Variants in USP22 observed in about 807,000 individuals in gnomAD.
USP22 encodes the protein ubiquitin specific peptidase 22, also known as ubiquitin carboxyl-terminal hydrolase 22.
USP22 carries 22 observed loss-of-function variants against 68.1 expected under a neutral mutation model. The ratio of observed to expected loss-of-function variants is 0.32; its 90% CI spans 0.23 to 0.46. The LOEUF (loss-of-function observed/expected upper bound fraction) is 0.46, where lower values mean the gene tolerates loss of function less well. Among genes scored for constraint, USP22 ranks in the 20% least tolerant of loss-of-function variants. The pLI, the probability that USP22 is intolerant of heterozygous loss-of-function variation, is 1.00. For missense variants in USP22, 433 were observed against 695.8 expected (o/e 0.62, Z 4.25); for synonymous variants, 279 against 274.2 (o/e 1.02, Z -0.17).
chr17:20,999,842 C>G lies in USP22; in HGVS notation c.*3189G>C, dbSNP rs1439180798. 2.0e-5 allele frequency: 3 copies of G among 152,198 alleles called. No homozygotes were observed. Among genetic ancestry groups the G allele is most frequent in the Non-Finnish European group, 4.4e-5 (3 of 68,050 alleles). The allele number at this position is 152,198 out of a possible 1,614,324, so 9.4% of individuals were successfully genotyped here. Reference sequence around the variant, plus strand: ...TTTTACACAATGAAGAGCATACACACCAAGCCAAAATACAATAGCACTCAG... The same window carrying G: ...TTTTACACAATGAAGAGCATACACAGCAAGCCAAAATACAATAGCACTCAG... On this transcript the variant is annotated 3_prime_UTR_variant, in exon 13 of 13. Coordinates refer to ENST00000261497, the MANE Select transcript of USP22 (RefSeq NM_015276.2).
chr17:21,035,789 G>A (rs1034448233), intron 1 of USP22, among the ~76,000 whole-genome samples: 2 of 152,042 alleles, frequency 1.3e-5, no homozygotes, highest in Admixed American at 1.3e-4. Context: ...CCAGCACTTC[G>A]GGAGGCTGAG....
At chr17:21,033,680 T>G (rs1972320142) in intron 1 of USP22, among the ~76,000 whole-genome samples, 1 of 152,194 alleles carries the variant, frequency 6.6e-6, no homozygotes, top group African/African-American at 2.4e-5. Flanking sequence ...GAAGGTAAGT[T>G]TAATTCTTGT....
At chr17:21,012,986 T>A in intron 6 of USP22, 51 bp from the exon 7 acceptor site, 1 of 1,551,176 alleles carries the variant, frequency 6.4e-7, no homozygotes, top group Non-Finnish European at 8.9e-7. Context: ...ATATGGGGAG[T>A]CTCTAAGGGA....
At chr17:21,025,793 G>A (rs1972212356) in intron 2 of USP22, among the ~76,000 whole-genome samples, 2 of 152,174 alleles carry the variant, frequency 1.3e-5, no homozygotes, top group Admixed American at 6.5e-5. Flanking sequence ...CAGGAAAGGA[G>A]AACCCACAGA....
chr17:21,011,288 G>A lies in USP22; in HGVS notation c.966C>T (p.Asp322=). Residue 322 remains aspartate (D), a synonymous_variant, in exon 8 of 13, where the codon GAC becomes GAT. Coordinates refer to ENST00000261497, the MANE Select transcript of USP22 (RefSeq NM_015276.2). ...GATCCAAGCTGATGTCCCAGAAGGG[G>A]TCGATGGTGGTGGAGACTCCACTGG... ...QVCHGVSTTI[D]PFWDISLDLP... 1 of 1,564,096 alleles carries A rather than the reference G, an allele frequency of 6.4e-7. No individual in the cohort carries two copies. Among genetic ancestry groups the A allele is most frequent in the South Asian group, 1.2e-5 (1 of 85,420 alleles).
intron 1 of USP22, 44 bp from the exon 2 acceptor site, chr17:21,028,718 CAG>C (rs1791085282): frequency 6.3e-7 from 1 of 1,597,208 alleles, no homozygotes; most frequent in Admixed American, 1.7e-5. Flanking sequence ...TGTGATAAGA[CAG>C]GGGTGCTCAG....
intron 6 of USP22, among the ~76,000 whole-genome samples, chr17:21,013,494 T>C (rs926700970): frequency 2.6e-5 from 4 of 152,204 alleles, no homozygotes; most frequent in Non-Finnish European, 4.4e-5. Context: ...TTCATATCCA[T>C]GTGTGCAGAT....
In USP22 at chr17:21,042,917, C is replaced by T. The variant is rs919355756; in HGVS notation, c.-82G>A. 2 of 1,003,674 alleles carry T rather than the reference C, an allele frequency of 2.0e-6. No homozygotes were observed. Among genetic ancestry groups the T allele is most frequent in the East Asian group, 3.7e-5 (1 of 26,940 alleles). The allele number at this position is 1,003,674 out of a possible 1,614,324, so 62.2% of individuals were successfully genotyped here. A position where few individuals can be genotyped will look rare whatever the true frequency, so the allele number is the denominator to read the frequency against. On this transcript the variant is annotated 5_prime_UTR_variant, in exon 1 of 13. Transcript: ENST00000261497. ...CCAGCGCGGCGTGGGGGCTGCTCGG[C>T]GGCTGGCCAGGCTGGCCAAGGCCCG...
chr17:21,039,676 C>T (rs1972402103), intron 1 of USP22, among the ~76,000 whole-genome samples: 1 of 152,176 alleles, frequency 6.6e-6, no homozygotes, highest in African/African-American at 2.4e-5. Context: ...AGTTTGGGTA[C>T]AAAATGCATA....
intron 8 of USP22, among the ~76,000 whole-genome samples, chr17:21,010,583 G>C (rs1181057816): frequency 6.7e-6 from 1 of 149,120 alleles, no homozygotes; most frequent in Non-Finnish European, 1.5e-5. Context: ...AGAATCACTT[G>C]AACCTGAAAG....
At chr17:21,043,016 G>A (rs943254278), upstream of USP22, 56 of 313,978 alleles carry the variant, frequency 1.8e-4, no homozygotes, top group Admixed American at 7.2e-4. Flanking sequence ...TGCAAGGCAG[G>A]CACCGCCCCC....
At chr17:21,041,220 A>G (rs573773757) in intron 1 of USP22, among the ~76,000 whole-genome samples, 10 of 152,102 alleles carry the variant, frequency 6.6e-5, no homozygotes, top group Non-Finnish European at 1.2e-4. Flanking sequence ...TTCTACTAGC[A>G]AGACTCTAAC....
intron 1 of USP22, among the ~76,000 whole-genome samples, chr17:21,031,565 T>C (rs1972291677): frequency 1.3e-5 from 2 of 149,632 alleles, no homozygotes; most frequent in Admixed American, 1.3e-4. Context: ...AACCTAGGAC[T>C]GTGCTACACA....
intron 1 of USP22, among the ~76,000 whole-genome samples, chr17:21,029,418 A>G (rs1042994800): frequency 2.0e-5 from 3 of 152,236 alleles, no homozygotes; most frequent in Non-Finnish European, 2.9e-5. Context: ...TACCCATCAG[A>G]TTTTTTAAAA....
rs897857856 is a variant in USP22, at chr17:21,042,815, G to A, written c.21C>T (p.Pro7=). 1.4e-6 allele frequency: 2 copies of A among 1,444,792 alleles called. No homozygotes were observed. The highest frequency in any genetic ancestry group is 1.8e-6 in the Non-Finnish European group (2 of 1,096,238). 89.5% of individuals were successfully genotyped at this position (1,444,792 alleles called of 1,614,324 possible). The change falls in exon 1 of 13, where the codon CCC becomes CCT. Residue 7 remains proline (P), a synonymous_variant. Transcript: ENST00000261497. Reference sequence around the variant, plus strand: ...GCTCGGCGTCCATGGCCTCGCCCTCGGGCTCTGGCCGGGACACCATGGGGG... The same window carrying A: ...GCTCGGCGTCCATGGCCTCGCCCTCAGGCTCTGGCCGGGACACCATGGGGG... The part of the protein sequence containing the change: MVSRPE[P]EGEAMDAELA...
chr17:21,039,640 G>C (rs1333993607), intron 1 of USP22, among the ~76,000 whole-genome samples: 1 of 152,148 alleles, frequency 6.6e-6, no homozygotes, highest in Non-Finnish European at 1.5e-5. Flanking sequence ...TTTTTGTCAT[G>C]TTCTGCCTGT....
chr17:21,022,091 CT>C (rs749947284), intron 2 of USP22, among the ~76,000 whole-genome samples: 57 of 152,022 alleles, frequency 3.7e-4, no homozygotes, highest in Non-Finnish European at 6.6e-4. Context: ...CAGAGTGAGA[CT>C]CTGTCTCAAA....
chr17:21,023,913 T>C (rs9895277), intron 2 of USP22, among the ~76,000 whole-genome samples: 55,822 of 152,076 alleles, frequency 0.37, 11,371 homozygotes, highest in African/African-American at 0.53. Context: ...CTTAAGTGCA[T>C]CCCCGGATAA....
chr17:21,031,590 C>A (rs4270230), intron 1 of USP22, among the ~76,000 whole-genome samples: 169 of 112,404 alleles, frequency 1.5e-3, no homozygotes, highest in Non-Finnish European at 2.0e-3. Context: ...ATTATAGTCT[C>A]TCTCTACTAC....
Sources: allele counts gnomAD v4.1 joint callset (sites outside exome capture counted in the v4.1 genomes callset), GRCh38; gene constraint gnomAD v4.1.1; transcripts MANE v1.5; gene names NCBI Gene and HGNC (gene_info 2026-07-23, HGNC 2026-07-21).